Variants in RASGEF1B observed in about 807,000 individuals in gnomAD.
The protein encoded by RASGEF1B is RasGEF domain family member 1B.
In RASGEF1B, 30 loss-of-function variants were observed where a neutral mutation model predicts 65.7. The ratio of observed to expected loss-of-function variants is 0.46; its 90% CI spans 0.34 to 0.62. The LOEUF (loss-of-function observed/expected upper bound fraction) is 0.62, where lower values mean the gene tolerates loss of function less well. Ranked by LOEUF, RASGEF1B falls within the 20% of genes least tolerant of loss-of-function variation. RASGEF1B has a pLI of 0.01. For missense variants in RASGEF1B, 495 were observed against 580.1 expected (o/e 0.85, Z 1.51); for synonymous variants, 175 against 194.8 (o/e 0.90, Z 0.85).
At chr4:81,454,531 C>G (rs1206444763) in intron 4 of RASGEF1B, 2 of 152,232 alleles carry the variant, frequency 1.3e-5, no homozygotes, top group African/African-American at 4.8e-5. Context: ...ACCAAGGTCA[C>G]TGAGCCAGCA....
chr4:81,439,904 A>G (rs1172981295), intron 10 of RASGEF1B, among the ~76,000 whole-genome samples: 1 of 152,184 alleles, frequency 6.6e-6, no homozygotes, highest in Non-Finnish European at 1.5e-5. Flanking sequence ...GTTAGAACTG[A>G]TATTTCAGAT....
chr4:81,466,950 A>G (rs1441341094), intron 1 of RASGEF1B, among the ~76,000 whole-genome samples: 3 of 148,410 alleles, frequency 2.0e-5, no homozygotes, highest in Admixed American at 6.6e-5. Context: ...AAAAAAAAAA[A>G]AAAAAGAAAA....
At chr4:81,437,490 AT>A (rs1287639893) in intron 10 of RASGEF1B, among the ~76,000 whole-genome samples, 5 of 152,244 alleles carry the variant, frequency 3.3e-5, no homozygotes, top group South Asian at 4.1e-4. Flanking sequence ...TTTTAAAAAA[AT>A]AACTTTATTT....
chr4:81,471,005 C>T (rs1172886792), intron 1 of RASGEF1B: 2 of 152,200 alleles, frequency 1.3e-5, no homozygotes, highest in African/African-American at 4.8e-5. Flanking sequence ...TGACTGCCCG[C>T]GAGGCTCCTA....
In RASGEF1B at chr4:81,459,621, A is replaced by G. The variant is rs567141701; in HGVS notation, c.-6-107T>C. On this transcript the variant is annotated intron_variant, in intron 1 of 13. Coordinates refer to ENST00000264400, the MANE Select transcript of RASGEF1B (RefSeq NM_152545.3). Reference sequence around the variant, plus strand: ...ATTTAATAGTAACGAGAGAATAGGCAATTAAAATAGTAGTTCAGGTTCTGA... The same window carrying G: ...ATTTAATAGTAACGAGAGAATAGGCGATTAAAATAGTAGTTCAGGTTCTGA... The G allele has an allele frequency of 1.3e-5, 11 of 852,246 alleles. No homozygotes were observed. In the African/African-American group the frequency reaches 1.7e-4, roughly 13 times the overall value. The allele number at this position is 852,246 out of a possible 1,614,324, so 52.8% of individuals were successfully genotyped here. A position where few individuals can be genotyped will look rare whatever the true frequency, so the allele number is the denominator to read the frequency against.
intron 10 of RASGEF1B, among the ~76,000 whole-genome samples, chr4:81,438,840 G>T (rs539853571): frequency 1.6e-4 from 25 of 151,692 alleles, no homozygotes; most frequent in Admixed American, 5.9e-4. Flanking sequence ...TTCTGTTCCT[G>T]TGTTAGTTTG....
At chr4:81,429,024 G>A (rs1159615611) in intron 13 of RASGEF1B, among the ~76,000 whole-genome samples, 2 of 152,252 alleles carry the variant, frequency 1.3e-5, no homozygotes, top group Admixed American at 6.5e-5. Flanking sequence ...ATGGGCTGAC[G>A]AGTAATAGAG....
chr4:81,431,116 C>A (rs1207688080), intron 13 of RASGEF1B, among the ~76,000 whole-genome samples: 2 of 151,970 alleles, frequency 1.3e-5, no homozygotes, highest in African/African-American at 4.8e-5. Context: ...GCAAGATATG[C>A]ACTCTGAGGC....
At chr4:81,432,268 C>T in intron 13 of RASGEF1B, 31 bp downstream of exon 13, 1 of 1,470,116 alleles carries the variant, frequency 6.8e-7, no homozygotes, top group South Asian at 1.2e-5. Context: ...TTCCTTCAGA[C>T]TTGTGCAGCA....
intron 6 of RASGEF1B, among the ~76,000 whole-genome samples, chr4:81,446,888 G>C (rs548473371): frequency 1.3e-5 from 2 of 152,272 alleles, no homozygotes; most frequent in South Asian, 2.1e-4. Flanking sequence ...CTCTCAGAAG[G>C]GGGCTTTCAG....
chr4:81,448,541 G>A (rs527950232), intron 4 of RASGEF1B, among the ~76,000 whole-genome samples: 4 of 152,238 alleles, frequency 2.6e-5, no homozygotes, highest in African/African-American at 9.6e-5. Flanking sequence ...AAACACTCCC[G>A]TGACAATTTA....
rs774320848 is a variant in RASGEF1B, at chr4:81,435,133, C to T, written c.1105-399G>A. ...GTTAATAGAATACCTATCATTGGGC[C>T]GGGCACGGTGGCTCACGCCTGTAAT... On this transcript the variant is annotated intron_variant, in intron 10 of 13. Coordinates refer to ENST00000264400, the MANE Select transcript of RASGEF1B (RefSeq NM_152545.3). 8.5e-5 allele frequency among the ~76,000 whole-genome samples: 13 copies of T among 152,150 alleles called. No individual in the cohort carries two copies. In the South Asian group the frequency reaches 1.5e-3, roughly 17 times the overall value.
chr4:81,466,607 A>C (rs142028870), intron 1 of RASGEF1B, among the ~76,000 whole-genome samples: 5,238 of 151,738 alleles, frequency 0.035, 294 homozygotes, highest in African/African-American at 0.12. Flanking sequence ...AAAACACAAA[A>C]AATTAGCTGG....
At chr4:81,430,374 G>C (rs185401836) in intron 13 of RASGEF1B, among the ~76,000 whole-genome samples, 384 of 152,300 alleles carry the variant, frequency 2.5e-3, no homozygotes, top group African/African-American at 8.8e-3. Context: ...CCAGTACACC[G>C]AGGCAAGAAT....
At chr4:81,462,751 C>A (rs1722690668) in intron 1 of RASGEF1B, among the ~76,000 whole-genome samples, 1 of 152,152 alleles carries the variant, frequency 6.6e-6, no homozygotes, top group African/African-American at 2.4e-5. Context: ...TTTCACAGAC[C>A]TTTACCTCTC....
intron 10 of RASGEF1B, among the ~76,000 whole-genome samples, chr4:81,438,201 A>C (rs1299328083): frequency 6.6e-6 from 1 of 152,218 alleles, no homozygotes; most frequent in South Asian, 2.1e-4. Context: ...ACAGGTACCT[A>C]CAGAAACAAA....
At chr4:81,446,863 C>T (rs1000352961) in intron 6 of RASGEF1B, among the ~76,000 whole-genome samples, 3 of 152,226 alleles carry the variant, frequency 2.0e-5, no homozygotes, top group Admixed American at 2.0e-4. Flanking sequence ...GGCCGGAAAG[C>T]AGCTGTTGCC....
intron 10 of RASGEF1B, among the ~76,000 whole-genome samples, chr4:81,435,418 A>C (rs1269170837): frequency 2.0e-5 from 1 of 49,734 alleles, no homozygotes; most frequent in South Asian, 6.3e-4. Flanking sequence ...ACTCCCTCTC[A>C]AAAAAAAAAA....
intron 8 of RASGEF1B, among the ~76,000 whole-genome samples, chr4:81,443,071 G>A (rs1172829767): frequency 6.6e-6 from 1 of 152,214 alleles, no homozygotes; most frequent in Non-Finnish European, 1.5e-5. Context: ...AGAGATGGAA[G>A]CTCACATGGA....
Sources: gnomAD v4.1 joint callset for allele counts (sites outside exome capture counted in the v4.1 genomes callset) on GRCh38, gnomAD v4.1.1 for gene constraint, MANE v1.5 for transcripts, NCBI Gene and HGNC (gene_info 2026-07-23, HGNC 2026-07-21) for gene names.